The following PHKB variants were observed in gnomAD, a reference collection of about 807,000 sequenced individuals.
The protein encoded by PHKB is phosphorylase b kinase regulatory subunit beta.
A neutral mutation model predicts 152.1 loss-of-function variants in PHKB; 122 were observed. The observed-to-expected ratio is 0.80, with a 90% CI of 0.69 to 0.93. The LOEUF is 0.93. Among genes scored for constraint, PHKB ranks in the 40% least tolerant of loss-of-function variants. The probability of loss-of-function intolerance (pLI) is 0.00; values close to 1 mark genes in which losing one functional copy is unlikely to be tolerated. For synonymous variants in PHKB, 436 were observed against 464.9 expected, an observed-to-expected ratio of 0.94 and a Z score of 0.80; for missense variants, 1,304 against 1,328.4, an observed-to-expected ratio of 0.98 and a Z score of 0.29.
At chr16:47,567,789 A>AAAAT (rs1298518379) in intron 7 of PHKB, among the ~76,000 whole-genome samples, 1 of 152,156 alleles carries the variant, frequency 6.6e-6, no homozygotes, top group Non-Finnish European at 1.5e-5. Context: ...CGCATCTTTT[A>AAAAT]AAATAATCGT....
chr16:47,616,467 A>G (rs1185412886), intron 14 of PHKB, among the ~76,000 whole-genome samples: 1 of 139,772 alleles, frequency 7.2e-6, no homozygotes, highest in Non-Finnish European at 1.6e-5. Context: ...TATATATGAT[A>G]TATAATATAT....
At chr16:47,542,976 A>C (rs1474531344) in intron 6 of PHKB, among the ~76,000 whole-genome samples, 4 of 152,120 alleles carry the variant, frequency 2.6e-5, no homozygotes, top group Non-Finnish European at 2.9e-5. Flanking sequence ...TCTTTTCCTA[A>C]TTGTATATCC....
chr16:47,494,661 T>C (rs1415895560), intron 1 of PHKB, among the ~76,000 whole-genome samples: 2 of 152,230 alleles, frequency 1.3e-5, no homozygotes, highest in Non-Finnish European at 2.9e-5. Flanking sequence ...ATAGACATAA[T>C]GCGAATGGGA....
intron 8 of PHKB, among the ~76,000 whole-genome samples, chr16:47,581,931 C>T (rs1012762658): frequency 2.0e-5 from 3 of 152,124 alleles, no homozygotes; most frequent in South Asian, 4.1e-4. Flanking sequence ...CCACCCATCT[C>T]GGCCTCCCAA....
chr16:47,602,903 A>G (rs954201894), intron 13 of PHKB, among the ~76,000 whole-genome samples: 14 of 152,142 alleles, frequency 9.2e-5, no homozygotes, highest in Middle Eastern at 3.2e-3. Context: ...TAGCTCACTA[A>G]CAAGAGTTAT....
intron 6 of PHKB, among the ~76,000 whole-genome samples, chr16:47,538,988 A>T (rs937620643): frequency 5.3e-5 from 8 of 152,216 alleles, no homozygotes; most frequent in Non-Finnish European, 1.0e-4. Flanking sequence ...AGGCAGATGC[A>T]TGTATTCAGT....
intron 6 of PHKB, among the ~76,000 whole-genome samples, chr16:47,530,139 T>TG (rs1970836573): frequency 6.7e-6 from 1 of 149,398 alleles, no homozygotes. Context: ...CTCCTTTTTT[T>TG]TTTTTTTTTT....
intron 26 of PHKB, among the ~76,000 whole-genome samples, chr16:47,684,422 C>T (rs369380389): frequency 6.6e-6 from 1 of 152,114 alleles, no homozygotes; most frequent in Non-Finnish European, 1.5e-5. Context: ...TGGGGTATAT[C>T]GGAAAGAAAC....
chr16:47,466,111 T>G (rs1969664716), intron 1 of PHKB, among the ~76,000 whole-genome samples: 1 of 152,238 alleles, frequency 6.6e-6, no homozygotes, highest in Non-Finnish European at 1.5e-5. Context: ...GAATCCTGTA[T>G]TTCTGTGTGT....
At chr16:47,498,296 A>G (rs1381470971) in intron 2 of PHKB, among the ~76,000 whole-genome samples, 2 of 152,198 alleles carry the variant, frequency 1.3e-5, no homozygotes, top group African/African-American at 4.8e-5. Context: ...TTTTATGTCA[A>G]TTGTGTATTT....
intron 20 of PHKB, among the ~76,000 whole-genome samples, chr16:47,654,619 G>A (rs1878519990): frequency 6.6e-6 from 1 of 152,060 alleles, no homozygotes; most frequent in South Asian, 2.1e-4. Context: ...ATACTATGCA[G>A]CCATAAAAAA....
At chr16:47,687,970 G>A (rs1973994166) in intron 26 of PHKB, among the ~76,000 whole-genome samples, 1 of 152,176 alleles carries the variant, frequency 6.6e-6, no homozygotes, top group African/African-American at 2.4e-5. Flanking sequence ...CTGTTGTTTT[G>A]CAAACCAGCA....
At chr16:47,488,984 G>A (rs995711597) in intron 1 of PHKB, among the ~76,000 whole-genome samples, 2 of 152,126 alleles carry the variant, frequency 1.3e-5, no homozygotes, top group Admixed American at 6.5e-5. Context: ...TGTGTAAAAT[G>A]TCATTGGTAG....
In PHKB at chr16:47,698,447, G is replaced by A; in HGVS notation, c.3004-1G>A. 1 of 1,608,618 alleles carries A rather than the reference G, an allele frequency of 6.2e-7. No individual in the cohort carries two copies. The highest frequency in any genetic ancestry group is 8.5e-7 in the Non-Finnish European group (1 of 1,175,214). On this transcript the variant is annotated splice_acceptor_variant, in intron 29 of 30. Coordinates refer to ENST00000323584, the MANE Select transcript of PHKB (RefSeq NM_000293.3). LOFTEE classifies it high-confidence loss of function. ...TGGCTTTCAATGTCTGTCTCTTCTA[G>A]TTACTTATGGTTGTATCCATTGTAC...
chr16:47,496,830 TTA>T (rs1172361051), intron 1 of PHKB, among the ~76,000 whole-genome samples: 2 of 152,208 alleles, frequency 1.3e-5, no homozygotes, highest in African/African-American at 4.8e-5. Flanking sequence ...AATGATCTGC[TTA>T]TAGTACAGAT....
At chr16:47,671,636 A>C (rs1347764598) in intron 26 of PHKB, among the ~76,000 whole-genome samples, 1 of 152,210 alleles carries the variant, frequency 6.6e-6, no homozygotes, top group Non-Finnish European at 1.5e-5. Flanking sequence ...CATGTGAAAA[A>C]TGCATTGCCT....
chr16:47,679,268 T>C (rs1439518503), intron 26 of PHKB, among the ~76,000 whole-genome samples: 3 of 152,120 alleles, frequency 2.0e-5, no homozygotes, highest in East Asian at 1.9e-4. Context: ...TTTTTGGTTC[T>C]ATATGTACTT....
intron 26 of PHKB, among the ~76,000 whole-genome samples, chr16:47,678,376 A>G: frequency 6.6e-6 from 1 of 152,216 alleles, no homozygotes; most frequent in Non-Finnish European, 1.5e-5. Context: ...ACTAGTTCAG[A>G]GTCCCACCAA....
intron 7 of PHKB, among the ~76,000 whole-genome samples, chr16:47,573,534 C>T (rs1176281505): frequency 1.3e-5 from 2 of 152,340 alleles, no homozygotes; most frequent in East Asian, 1.9e-4. Flanking sequence ...ACTTTCTTAA[C>T]ACATTGGGTC....
Sources: allele counts gnomAD v4.1 joint callset (sites outside exome capture counted in the v4.1 genomes callset), GRCh38; gene constraint gnomAD v4.1.1; transcripts MANE v1.5; gene names NCBI Gene and HGNC (gene_info 2026-07-23, HGNC 2026-07-21).